Variants in KLHL28 observed in about 807,000 individuals in gnomAD.
The protein encoded by KLHL28 is kelch like family member 28.
KLHL28 carries 22 observed loss-of-function variants against 48.3 expected under a neutral mutation model. That is an observed-to-expected ratio of 0.46 (90% CI 0.33 to 0.65). KLHL28 has a LOEUF of 0.65. Among genes scored for constraint, KLHL28 ranks in the 30% least tolerant of loss-of-function variants. KLHL28 has a pLI of 0.03. For synonymous variants in KLHL28, 243 were observed against 242.4 expected (o/e 1.00, Z -0.02); for missense variants, 527 against 704.3 (o/e 0.75, Z 2.85).
intron 2 of KLHL28, among the ~76,000 whole-genome samples, chr14:44,936,177 A>G (rs534812415): frequency 1.3e-5 from 2 of 152,142 alleles, no homozygotes; most frequent in Non-Finnish European, 2.9e-5. Context: ...TAACTTTCCA[A>G]TGATTTTTAC....
rs1033275092 is a variant in KLHL28, at chr14:44,926,201, G to A, written c.*2827C>T. 1 of 152,192 alleles carries A rather than the reference G, an allele frequency of 6.6e-6. No homozygotes were observed. The highest frequency in any genetic ancestry group is 2.4e-5 in the African/African-American group (1 of 41,446). 9.4% of individuals were successfully genotyped at this position (152,192 alleles called of 1,614,324 possible). ...TCAGGTCAGATTAGTAGCTCTGGTT[G>A]TTACGAATAATACAGTAGGTTAAGC... On this transcript the variant is annotated 3_prime_UTR_variant, in exon 5 of 5. Coordinates refer to ENST00000396128, the MANE Select transcript of KLHL28 (RefSeq NM_017658.5).
intron 2 of KLHL28, among the ~76,000 whole-genome samples, chr14:44,940,530 GC>G (rs1347557414): frequency 1.3e-5 from 2 of 152,082 alleles, no homozygotes; most frequent in Non-Finnish European, 2.9e-5. Flanking sequence ...AGTTCTCAGA[GC>G]TTCCCCAATT....
chr14:44,942,070 C>G (rs1289789279), intron 2 of KLHL28, among the ~76,000 whole-genome samples: 1 of 152,182 alleles, frequency 6.6e-6, no homozygotes, highest in Non-Finnish European at 1.5e-5. Flanking sequence ...TCATATCCAG[C>G]TACCATAGAA....
At chr14:44,953,610 G>T in intron 1 of KLHL28, 1 of 152,532 alleles carries the variant, frequency 6.6e-6, no homozygotes, top group Non-Finnish European at 1.5e-5. Flanking sequence ...TTGGGACTCT[G>T]CAGAGTTCTT....
intron 1 of KLHL28, among the ~76,000 whole-genome samples, chr14:44,949,635 A>T (rs1157444644): frequency 1.3e-5 from 2 of 152,102 alleles, no homozygotes; most frequent in Non-Finnish European, 2.9e-5. Context: ...GCTGCAAAGG[A>T]CAGCAAAAGC....
rs545218725 is a variant in KLHL28, at chr14:44,960,722, C to G, written c.-1+1124G>C. Among the ~76,000 whole-genome samples, 5 of 146,354 alleles carry G rather than the reference C, an allele frequency of 3.4e-5. No homozygotes were observed. In the East Asian group the frequency reaches 9.9e-4, roughly 29 times the overall value. ...TAGTCTATTCCCCACCCCCACCCCC[C>G]CAAAAACAAAACAAAACAAAACTGA... On this transcript the variant is annotated intron_variant, in intron 1 of 4. Transcript: ENST00000396128.
chr14:44,937,820 C>G lies in KLHL28; in HGVS notation c.900-3262G>C, dbSNP rs113590577. On this transcript the variant is annotated intron_variant, in intron 2 of 4. Coordinates refer to ENST00000396128, the MANE Select transcript of KLHL28 (RefSeq NM_017658.5). ...CATGGATAGCTAGCAAGCCTGTGCA[C>G]AAGACAGAGAAAATGGCAGCCGGAC... Among the ~76,000 whole-genome samples the G allele has an allele frequency of 1.2e-4, 19 of 152,198 alleles. 3 individuals are homozygous for G. Among genetic ancestry groups the G allele is most frequent in the African/African-American group, 3.9e-4 (16 of 41,542 alleles).
intron 1 of KLHL28, among the ~76,000 whole-genome samples, chr14:44,952,655 T>C (rs1017472608): frequency 5.3e-5 from 8 of 152,268 alleles, no homozygotes; most frequent in African/African-American, 1.7e-4. Flanking sequence ...TGCCTCAGCC[T>C]CATCAGTAGC....
At chr14:44,947,044 G>C (rs1489574068) in intron 1 of KLHL28, among the ~76,000 whole-genome samples, 1 of 152,164 alleles carries the variant, frequency 6.6e-6, no homozygotes, top group African/African-American at 2.4e-5. Context: ...CCCTATCCCT[G>C]GAATCTGTGA....
intron 1 of KLHL28, among the ~76,000 whole-genome samples, chr14:44,960,069 AAG>A (rs1220826397): frequency 1.3e-5 from 2 of 152,216 alleles, no homozygotes; most frequent in African/African-American, 4.8e-5. Flanking sequence ...TGCCTCTTCT[AAG>A]TCTTCAATCA....
chr14:44,946,002 C>T (rs1884320178), intron 1 of KLHL28, 74 bp from the exon 2 acceptor site: 4 of 1,124,508 alleles, frequency 3.6e-6, no homozygotes, highest in African/African-American at 3.1e-5. Flanking sequence ...TCAAATAGTA[C>T]AGAATAATCA....
intron 3 of KLHL28, among the ~76,000 whole-genome samples, chr14:44,932,876 G>A (rs1883646744): frequency 6.6e-6 from 1 of 152,124 alleles, no homozygotes. Context: ...GAATACTTTG[G>A]CTTCAATAGA....
At position 44,934,463 on chromosome 14, in the gene KLHL28, T is replaced by C. The variant is rs778519316; in HGVS notation, c.995A>G (p.Lys332Arg). 6.2e-7 allele frequency: 1 copy of C among 1,614,090 alleles called. No homozygotes were observed. Among genetic ancestry groups the C allele is most frequent in the Admixed American group, 1.7e-5 (1 of 60,022 alleles). ...TGCAATACCACCTATAACATATACT[T>C]TTTGGTCTAAAACGCATATTCCAAA... ...YEFGICVLDQ[K>R]VYVIGGIATN... The change falls in exon 3 of 5, where the codon AAA becomes AGA. Residue 332 changes from lysine to arginine, a missense_variant. Coordinates refer to ENST00000396128, the MANE Select transcript of KLHL28 (RefSeq NM_017658.5).
At chr14:44,955,268 T>C (rs1277006449) in intron 1 of KLHL28, among the ~76,000 whole-genome samples, 1 of 151,632 alleles carries the variant, frequency 6.6e-6, no homozygotes, top group East Asian at 1.9e-4. Context: ...AAAATACATG[T>C]GAGCTATACA....
rs1364136774 is a variant in KLHL28, at chr14:44,928,971, C to T, written c.*57G>A. The T allele has an allele frequency of 9.9e-6, 15 of 1,520,260 alleles. No homozygotes were observed. Among genetic ancestry groups the T allele is most frequent in the South Asian group, 7.1e-5 (6 of 84,530 alleles). 94.2% of individuals were successfully genotyped at this position (1,520,260 alleles called of 1,614,324 possible). ...GTGGGTTTCAGAAAACTGGGCCATC[C>T]GGATGTTCATGCAGTACAAGTTTCA... On this transcript the variant is annotated 3_prime_UTR_variant, in exon 5 of 5. Transcript: ENST00000396128.
rs1354161400 is a variant in KLHL28, at chr14:44,945,080, T to G, written c.849A>C (p.Lys283Asn). ...VLMTRPRCAP[K>N]VLCAVGGKSG... is the part of the protein sequence containing the mutation. Reference sequence around the variant, plus strand: ...ATTTCCCTCCTACTGCACAAAGTACTTTGGGAGCACAGCGAGGTCGTGTCA... The same window carrying G: ...ATTTCCCTCCTACTGCACAAAGTACGTTGGGAGCACAGCGAGGTCGTGTCA... The change falls in exon 2 of 5, where the codon AAA (lysine) becomes AAC (asparagine). Residue 283 changes from lysine to asparagine, a missense_variant. By Grantham distance (94) the Lys-to-Asn change is moderately conservative (BLOSUM62 0). Coordinates refer to ENST00000396128, the MANE Select transcript of KLHL28 (RefSeq NM_017658.5). 6.2e-7 allele frequency: 1 copy of G among 1,613,744 alleles called. No homozygotes were observed. The highest frequency in any genetic ancestry group is 8.5e-7 in the Non-Finnish European group (1 of 1,179,780).
intron 2 of KLHL28, among the ~76,000 whole-genome samples, chr14:44,942,517 G>C (rs1045646995): frequency 1.3e-5 from 2 of 150,796 alleles, no homozygotes; most frequent in African/African-American, 2.4e-5. Flanking sequence ...GAATGGTTTT[G>C]CAACCCACAT....
rs913274407 is a variant in KLHL28 at position 44,925,035 on chromosome 14, A to G, written c.*3993T>C. On this transcript the variant is annotated 3_prime_UTR_variant, in exon 5 of 5. Transcript: ENST00000396128. ...CCAGTACATATCCAGCCATGGAATA[A>G]TTGTTATCTAATTAAATCATGTCTA... is the stretch of plus-strand genomic sequence containing the variant. 1 of 152,624 alleles carries G rather than the reference A, an allele frequency of 6.6e-6. No homozygotes were observed. Among genetic ancestry groups the G allele is most frequent in the Non-Finnish European group, 1.5e-5 (1 of 67,982 alleles). 9.5% of individuals were successfully genotyped at this position (152,624 alleles called of 1,614,324 possible).
At chr14:44,947,990 A>T (rs1364787236) in intron 1 of KLHL28, among the ~76,000 whole-genome samples, 1 of 152,156 alleles carries the variant, frequency 6.6e-6, no homozygotes, top group Non-Finnish European at 1.5e-5. Context: ...ATCAGAAGGC[A>T]TAAGTTTAGA....
Sources: allele counts gnomAD v4.1 joint callset (sites outside exome capture counted in the v4.1 genomes callset), GRCh38; gene constraint gnomAD v4.1.1; transcripts MANE v1.5; gene names NCBI Gene and HGNC (gene_info 2026-07-23, HGNC 2026-07-21).